The following ADAMTS6 variants were observed in gnomAD, a reference collection of about 807,000 sequenced individuals.
ADAMTS6 encodes the protein ADAM metallopeptidase with thrombospondin type 1 motif 6, also known as A disintegrin and metalloproteinase with thrombospondin motifs 6.
A neutral mutation model predicts 144.3 loss-of-function variants in ADAMTS6; 23 were observed. The observed-to-expected ratio is 0.16, with a 90% confidence interval of 0.11 to 0.23. The LOEUF (loss-of-function observed/expected upper bound fraction) is 0.23, where lower values mean the gene tolerates loss of function less well. Ranked by LOEUF, ADAMTS6 falls within the 10% of genes least tolerant of loss-of-function variation. The probability of loss-of-function intolerance (pLI) is 1.00; values close to 1 mark genes in which losing one functional copy is unlikely to be tolerated. For missense variants in ADAMTS6, 999 were observed against 1,379.6 expected (o/e 0.72, Z 4.37); for synonymous variants, 444 against 457.5 (o/e 0.97, Z 0.38).
At chr5:65,451,672 G>A in intron 6 of ADAMTS6, 52 bp from the exon 7 acceptor site, 1 of 1,595,408 alleles carries the variant, frequency 6.3e-7, no homozygotes, top group South Asian at 1.1e-5. Flanking sequence ...ACTAAGGTCA[G>A]TTGTTAAAAC....
chr5:65,464,732 T>C (rs1176480409), intron 3 of ADAMTS6, among the ~76,000 whole-genome samples: 1 of 152,186 alleles, frequency 6.6e-6, no homozygotes, highest in Non-Finnish European at 1.5e-5. Flanking sequence ...ATGCCCACAG[T>C]CAATCCCTAG....
intron 7 of ADAMTS6, among the ~76,000 whole-genome samples, chr5:65,426,531 CA>C (rs959530505): frequency 7.3e-5 from 11 of 150,402 alleles, no homozygotes; most frequent in Admixed American, 1.3e-4. Context: ...ATTTTAAAAG[CA>C]AAAAAAATTG....
At chr5:65,226,484 T>C (rs1039774660) in intron 15 of ADAMTS6, among the ~76,000 whole-genome samples, 1 of 151,648 alleles carries the variant, frequency 6.6e-6, no homozygotes, top group African/African-American at 2.4e-5. Flanking sequence ...TATATATTTA[T>C]AATGTATTTT....
intron 7 of ADAMTS6, among the ~76,000 whole-genome samples, chr5:65,431,924 T>A (rs1757030193): frequency 6.6e-6 from 1 of 152,056 alleles, no homozygotes; most frequent in Admixed American, 6.6e-5. Flanking sequence ...CTATAGATGG[T>A]ACTTAAAACC....
At chr5:65,360,791 A>C (rs1749756782) in intron 7 of ADAMTS6, among the ~76,000 whole-genome samples, 1 of 152,240 alleles carries the variant, frequency 6.6e-6, no homozygotes, top group Admixed American at 6.5e-5. Context: ...GAATGTTATA[A>C]GAGTTCAAAA....
At chr5:65,462,333 T>C (rs565016336) in intron 3 of ADAMTS6, among the ~76,000 whole-genome samples, 1 of 152,074 alleles carries the variant, frequency 6.6e-6, no homozygotes, top group South Asian at 2.1e-4. Flanking sequence ...CACAAGAAAA[T>C]TGAAAGTTAC....
rs994576740 is a variant in ADAMTS6 at position 65,291,588 on chromosome 5, C to A, written c.1371-118G>T. The A allele has an allele frequency of 3.7e-6, 4 of 1,070,188 alleles. No homozygotes were observed. In the East Asian group the frequency reaches 1.1e-4, roughly 31 times the overall value. The allele number at this position is 1,070,188 out of a possible 1,614,324, so 66.3% of individuals were successfully genotyped here. Reference sequence around the variant, plus strand: ...CTTGACGCATGAAAAACAATACATTCTCCCAATAAATAATCACATGGCAGA... The same window carrying A: ...CTTGACGCATGAAAAACAATACATTATCCCAATAAATAATCACATGGCAGA... On this transcript the variant is annotated intron_variant, in intron 10 of 24. Transcript: ENST00000381055.
intron 12 of ADAMTS6, among the ~76,000 whole-genome samples, chr5:65,271,763 G>C (rs1762075911): frequency 6.6e-6 from 1 of 152,066 alleles, no homozygotes; most frequent in African/African-American, 2.4e-5. Flanking sequence ...CTTTATGGTT[G>C]TGTATTTCTT....
rs547304263 is a variant in ADAMTS6, at chr5:65,174,314, C to T, written c.2911-1306G>A. On this transcript the variant is annotated intron_variant, in intron 22 of 24. Coordinates refer to ENST00000381055, the MANE Select transcript of ADAMTS6 (RefSeq NM_197941.4). ...ATTTCTTGGTTCCCTGACCGGGAAGCGAGGTGATTAACAGACAGTCGGACG... is the reference window on the plus strand; with the variant it reads ...ATTTCTTGGTTCCCTGACCGGGAAGTGAGGTGATTAACAGACAGTCGGACG... 1.8e-4 allele frequency among the ~76,000 whole-genome samples: 27 copies of T among 152,266 alleles called. 1 individual carries two copies. The South Asian group carries it at 3.9e-3, about 22-fold the overall frequency.
chr5:65,464,828 A>AT, intron 3 of ADAMTS6, among the ~76,000 whole-genome samples: 1 of 152,120 alleles, frequency 6.6e-6, no homozygotes, highest in East Asian at 1.9e-4. Flanking sequence ...CTGTCCCTCT[A>AT]ATATGCCAAC....
chr5:65,366,683 C>G (rs1750336087), intron 7 of ADAMTS6, among the ~76,000 whole-genome samples: 1 of 152,156 alleles, frequency 6.6e-6, no homozygotes. Context: ...ACTAACTGTT[C>G]ATAGATTTAA....
chr5:65,389,696 T>C lies in ADAMTS6; in HGVS notation c.1074-55611A>G, dbSNP rs182083393. On this transcript the variant is annotated intron_variant, in intron 7 of 24. Coordinates refer to ENST00000381055, the MANE Select transcript of ADAMTS6 (RefSeq NM_197941.4). ...TCCCCCCTATACATTTATTATCACA[T>C]AGCTATCTGGCATTTGGCTGGGCTT... is the stretch of plus-strand genomic sequence containing the variant. Among the ~76,000 whole-genome samples, 130 of 152,116 alleles carry C rather than the reference T, an allele frequency of 8.5e-4. 2 individuals carry two copies. Among genetic ancestry groups the C allele is most frequent in the Admixed American group, 3.1e-3 (47 of 15,262 alleles).
chr5:65,399,036 C>T (rs968279257), intron 7 of ADAMTS6, among the ~76,000 whole-genome samples: 1 of 151,770 alleles, frequency 6.6e-6, no homozygotes, highest in Non-Finnish European at 1.5e-5. Context: ...GTGGATGGAT[C>T]GTCCGAGGTC....
chr5:65,423,333 T>C (rs1756232217), intron 7 of ADAMTS6, among the ~76,000 whole-genome samples: 1 of 152,198 alleles, frequency 6.6e-6, no homozygotes, highest in South Asian at 2.1e-4. Flanking sequence ...AAAAGGTATA[T>C]ATAAATTTTA....
chr5:65,288,002 C>T (rs1741858972), intron 11 of ADAMTS6, among the ~76,000 whole-genome samples: 1 of 152,148 alleles, frequency 6.6e-6, no homozygotes, highest in African/African-American at 2.4e-5. Flanking sequence ...AACCTCCTCA[C>T]AACTTCTATA....
intron 11 of ADAMTS6, among the ~76,000 whole-genome samples, chr5:65,280,087 G>A (rs1762872354): frequency 1.3e-5 from 2 of 152,164 alleles, no homozygotes; most frequent in African/African-American, 4.8e-5. Context: ...TTGTTCTTAT[G>A]TGAGGCACAA....
rs189736258 is a variant in ADAMTS6, at chr5:65,409,610, T to A, written c.1073+41865A>T. Among the ~76,000 whole-genome samples, 69 of 152,206 alleles carry A rather than the reference T, an allele frequency of 4.5e-4. 1 individual carries two copies. The East Asian group carries it at 0.013, about 28-fold the overall frequency. ...ACCATTCCTTCTGACAATATTCCAA[T>A]CAGTAGAAAAAGAAGAAATCCTCCT... On this transcript the variant is annotated intron_variant, in intron 7 of 24. Coordinates refer to ENST00000381055, the MANE Select transcript of ADAMTS6 (RefSeq NM_197941.4).
At position 65,149,472 on chromosome 5, in the gene ADAMTS6, C is replaced by T. The variant is rs913397112; in HGVS notation, c.*2364G>A. On this transcript the variant is annotated 3_prime_UTR_variant, in exon 25 of 25. Transcript: ENST00000381055. ...ACTCTGATGCTGCCCCGGGGGATGC[C>T]TGCATTTTGTTCTCAGTGCTGGGGC... The T allele has an allele frequency of 3.9e-5, 6 of 152,272 alleles. 1 individual carries two copies. In the East Asian group the frequency reaches 7.7e-4, roughly 20 times the overall value. The allele number at this position is 152,272 out of a possible 1,614,324, so 9.4% of individuals were successfully genotyped here. A position where few individuals can be genotyped will look rare whatever the true frequency, so the allele number is the denominator to read the frequency against.
At chr5:65,458,552 C>G in intron 4 of ADAMTS6, among the ~76,000 whole-genome samples, 1 of 152,162 alleles carries the variant, frequency 6.6e-6, no homozygotes, top group Non-Finnish European at 1.5e-5. Flanking sequence ...GCTGTGACTA[C>G]AGGCAAGCAC....
Sources: gnomAD v4.1 joint callset for allele counts (sites outside exome capture counted in the v4.1 genomes callset) on GRCh38, gnomAD v4.1.1 for gene constraint, MANE v1.5 for transcripts, NCBI Gene and HGNC (gene_info 2026-07-23, HGNC 2026-07-21) for gene names.